KCNJ6: variants seen among roughly 807,000 people sequenced by gnomAD.
KCNJ6 encodes potassium inwardly rectifying channel subfamily J member 6.
Under a neutral mutation model 34.2 loss-of-function variants are expected in KCNJ6, and 9 were observed. The observed-to-expected ratio is 0.26, with a 90% CI of 0.16 to 0.46. The LOEUF (loss-of-function observed/expected upper bound fraction) is 0.46. Among genes scored for constraint, KCNJ6 ranks in the 20% least tolerant of loss-of-function variants. KCNJ6 has a pLI of 1.00. For synonymous variants in KCNJ6, 196 were observed against 207.1 expected, an observed-to-expected ratio of 0.95 and a Z score of 0.46; for missense variants, 236 against 531.3, an observed-to-expected ratio of 0.44 and a Z score of 5.46.
intron 2 of KCNJ6, among the ~76,000 whole-genome samples, chr21:37,826,206 A>G (rs1034305585): frequency 3.9e-5 from 6 of 152,178 alleles, no homozygotes; most frequent in African/African-American, 9.6e-5. Flanking sequence ...AATCCAGTAT[A>G]GAAATGTGCG....
intron 2 of KCNJ6, among the ~76,000 whole-genome samples, chr21:37,721,257 T>C (rs2054824649): frequency 3.9e-5 from 6 of 152,230 alleles, no homozygotes; most frequent in Admixed American, 3.9e-4. Context: ...ATGGTTATTA[T>C]TTTAAAAAAA....
At position 37,617,095 on chromosome 21, in the gene KCNJ6, C is replaced by T. The variant is rs945707269; in HGVS notation, c.*8064G>A. 7.1e-4 allele frequency: 29 copies of T among 40,796 alleles called. No individual in the cohort carries two copies. The highest frequency in any genetic ancestry group is 1.7e-3 in the East Asian group (3 of 1,786). The allele number at this position is 40,796 out of a possible 1,614,324, so 2.5% of individuals were successfully genotyped here. Reference sequence around the variant, plus strand: ...TTCTTTTCTTTCTTTTTCTTTCTTTCTTTTCTTTCTTTCTTTCCTTCTTCC... The same window carrying T: ...TTCTTTTCTTTCTTTTTCTTTCTTTTTTTTCTTTCTTTCTTTCCTTCTTCC... On this transcript the variant is annotated 3_prime_UTR_variant, in exon 4 of 4. Transcript: ENST00000609713.
intron 2 of KCNJ6, among the ~76,000 whole-genome samples, chr21:37,796,687 T>C (rs1407508224): frequency 3.3e-5 from 5 of 152,028 alleles, no homozygotes; most frequent in African/African-American, 4.8e-5. Flanking sequence ...TTACTATAAC[T>C]TGGGGTCCCT....
intron 2 of KCNJ6, among the ~76,000 whole-genome samples, chr21:37,723,821 A>G (rs1365721707): frequency 1.3e-5 from 2 of 152,158 alleles, no homozygotes; most frequent in Non-Finnish European, 2.9e-5. Flanking sequence ...CGTTCACTAA[A>G]TGTGTGACAG....
At chr21:37,823,991 G>A (rs1480666552) in intron 2 of KCNJ6, among the ~76,000 whole-genome samples, 4 of 206 alleles carry the variant, frequency 0.019, no homozygotes, top group African/African-American at 0.067. Context: ...TTTGTGAGAG[G>A]GATATGCTAA....
intron 3 of KCNJ6, among the ~76,000 whole-genome samples, chr21:37,635,419 T>A (rs959223471): frequency 6.6e-6 from 1 of 152,108 alleles, no homozygotes; most frequent in African/African-American, 2.4e-5. Context: ...GGTTTTGCCA[T>A]GTTGGACAGG....
At chr21:37,888,220 C>T (rs1267160792) in intron 1 of KCNJ6, among the ~76,000 whole-genome samples, 1 of 152,242 alleles carries the variant, frequency 6.6e-6, no homozygotes, top group Non-Finnish European at 1.5e-5. Flanking sequence ...GTAACCCTTT[C>T]TGATTCCCCT....
At chr21:37,717,286 G>A (rs1472700426) in intron 2 of KCNJ6, 2 of 152,954 alleles carry the variant, frequency 1.3e-5, no homozygotes, top group African/African-American at 2.4e-5. Flanking sequence ...CAGGATAGGT[G>A]TTGATGGGGG....
chr21:37,894,073 T>C (rs1043031190), intron 1 of KCNJ6, among the ~76,000 whole-genome samples: 7 of 152,376 alleles, frequency 4.6e-5, no homozygotes, highest in African/African-American at 1.7e-4. Context: ...TTATAATTCT[T>C]GCTTAACCAT....
chr21:37,667,323 TGGG>T (rs1299054215), intron 3 of KCNJ6, among the ~76,000 whole-genome samples: 1 of 152,004 alleles, frequency 6.6e-6, no homozygotes, highest in African/African-American at 2.4e-5. Context: ...TTCTCTACTG[TGGG>T]GGGCGTTTAG....
At chr21:37,745,130 T>G (rs2054961564) in intron 2 of KCNJ6, among the ~76,000 whole-genome samples, 1 of 132,966 alleles carries the variant, frequency 7.5e-6, no homozygotes, top group Admixed American at 8.6e-5. Context: ...GGTCTTGCTG[T>G]GGCCCAGGCT....
At chr21:37,892,007 A>G (rs796858414) in intron 1 of KCNJ6, among the ~76,000 whole-genome samples, 13 of 152,300 alleles carry the variant, frequency 8.5e-5, no homozygotes, top group African/African-American at 3.1e-4. Context: ...TCATGTTGGG[A>G]GCTTAAACAC....
chr21:37,726,597 A>AATGTGTGTGT (rs1258124088), intron 2 of KCNJ6, among the ~76,000 whole-genome samples: 1 of 152,072 alleles, frequency 6.6e-6, no homozygotes, highest in Non-Finnish European at 1.5e-5. Context: ...CATGTTTGTG[A>AATGTGTGTGT]ATGTGTGTGT....
chr21:37,730,682 T>G (rs374198411), intron 2 of KCNJ6, among the ~76,000 whole-genome samples: 1 of 152,222 alleles, frequency 6.6e-6, no homozygotes, highest in Non-Finnish European at 1.5e-5. Context: ...AAGAGCCTGC[T>G]TGGTAACACA....
At chr21:37,754,636 G>A (rs1471411591) in intron 2 of KCNJ6, among the ~76,000 whole-genome samples, 1 of 152,206 alleles carries the variant, frequency 6.6e-6, no homozygotes, top group Non-Finnish European at 1.5e-5. Context: ...GAAGGGTCAC[G>A]TGAGATTCCA....
chr21:37,837,552 C>T (rs1173532661), intron 2 of KCNJ6, among the ~76,000 whole-genome samples: 1 of 152,146 alleles, frequency 6.6e-6, no homozygotes, highest in Admixed American at 6.5e-5. Flanking sequence ...AGCATGTGGA[C>T]ACCTAGGGTG....
chr21:37,805,258 G>A (rs1046925609), intron 2 of KCNJ6, among the ~76,000 whole-genome samples: 7 of 151,912 alleles, frequency 4.6e-5, no homozygotes, highest in Non-Finnish European at 8.8e-5. Flanking sequence ...TGAATTTTGC[G>A]ATATGTGAAT....
At chr21:37,761,550 ATGTGTGTATGTGT>A (rs1334394227) in intron 2 of KCNJ6, among the ~76,000 whole-genome samples, 20 of 121,000 alleles carry the variant, frequency 1.7e-4, no homozygotes, top group Admixed American at 3.3e-4. Flanking sequence ...TGTGTGTGGT[ATGTGTGTATGTGT>A]TGTGTGTATG....
chr21:37,741,017 C>T (rs1012347754), intron 2 of KCNJ6, among the ~76,000 whole-genome samples: 1 of 152,166 alleles, frequency 6.6e-6, no homozygotes, highest in African/African-American at 2.4e-5. Context: ...CTTCTCATCC[C>T]TCACTGTTTC....
Sources: allele counts gnomAD v4.1 joint callset (sites outside exome capture counted in the v4.1 genomes callset), GRCh38; gene constraint gnomAD v4.1.1; transcripts MANE v1.5; gene names NCBI Gene and HGNC (gene_info 2026-07-23, HGNC 2026-07-21).